MAML3: variants seen among roughly 807,000 people sequenced by gnomAD.
MAML3 encodes the protein mastermind-like protein 3.
MAML3 carries 27 observed loss-of-function variants against 101.9 expected under a neutral mutation model. The ratio of observed to expected loss-of-function variants is 0.27; its 90% CI spans 0.20 to 0.37. The LOEUF is 0.37. MAML3 is among the 10% of genes least tolerant of loss of function. MAML3 has a pLI of 1.00. For missense variants in MAML3, 1,316 were observed against 1,444.9 expected (o/e 0.91, Z 1.45); for synonymous variants, 501 against 555.9 (o/e 0.90, Z 1.39).
intron 1 of MAML3, among the ~76,000 whole-genome samples, chr4:139,925,680 G>A (rs1326891545): frequency 6.6e-6 from 1 of 152,168 alleles, no homozygotes; most frequent in African/African-American, 2.4e-5. Context: ...CTAATTTCAG[G>A]TAGTCACAAT....
In MAML3 at chr4:139,720,179, G is replaced by A. The variant is rs771214491; in HGVS notation, c.2561C>T (p.Ser854Leu). Residue 854 changes from serine to leucine, a missense_variant, in exon 5 of 5, where the codon TCG becomes TTG. Coordinates refer to ENST00000509479, the MANE Select transcript of MAML3 (RefSeq NM_018717.5). ...GCTATAAGGGGCCAGTCCCATCTCC[G>A]ACTGCGCAGCTGCGGTGGCCATCGT... ...PGTMATAAAQ[S>L]EMGLAPYSTT... The A allele has an allele frequency of 5.6e-6, 9 of 1,614,022 alleles. No individual in the cohort carries two copies. Among genetic ancestry groups the A allele is most frequent in the African/African-American group, 2.7e-5 (2 of 75,054 alleles).
intron 2 of MAML3, among the ~76,000 whole-genome samples, chr4:139,741,784 T>C (rs569808100): frequency 6.6e-6 from 1 of 152,346 alleles, no homozygotes; most frequent in African/African-American, 2.4e-5. Flanking sequence ...CGGGCTGCTC[T>C]AAGTCCATTA....
intron 1 of MAML3, among the ~76,000 whole-genome samples, chr4:140,149,013 A>G (rs1202714585): frequency 6.6e-6 from 1 of 152,222 alleles, no homozygotes; most frequent in Non-Finnish European, 1.5e-5. Flanking sequence ...AAAACTGTGC[A>G]CTGTCATGCT....
chr4:139,745,107 A>C (rs1001762499), intron 2 of MAML3, among the ~76,000 whole-genome samples: 1 of 152,094 alleles, frequency 6.6e-6, no homozygotes, highest in Non-Finnish European at 1.5e-5. Context: ...GCCTTGATGG[A>C]AGTGTAGATT....
Position 139,998,270 on chromosome 4 carries a change from A to G in MAML3, c.469-107303T>C, listed in dbSNP as rs543446609. On this transcript the variant is annotated intron_variant, in intron 1 of 4. Coordinates refer to ENST00000509479, the MANE Select transcript of MAML3 (RefSeq NM_018717.5). The stretch of plus-strand genomic sequence containing the variant: ...GATGGTTTCTTCTGTCTTGTTGAAT[A>G]TGCTGTTGGACCACCTAATGATTTT... 2.6e-5 allele frequency among the ~76,000 whole-genome samples: 4 copies of G among 152,302 alleles called. No homozygotes were observed. The East Asian group carries it at 7.7e-4, about 29-fold the overall frequency.
In MAML3 at chr4:139,943,864, C is replaced by CTTTTTTTTTTT. The variant is rs10644498; in HGVS notation, c.469-52908_469-52898dup. Among the ~76,000 whole-genome samples the CTTTTTTTTTTT allele has an allele frequency of 3.6e-4, 24 of 65,864 alleles. 2 individuals are homozygous for CTTTTTTTTTTT. The highest frequency in any genetic ancestry group is 5.9e-4 in the African/African-American group (10 of 17,084). 43.2% of individuals were successfully genotyped at this position (65,864 alleles called of 152,430 possible). On this transcript the variant is annotated intron_variant, in intron 1 of 4. Transcript: ENST00000509479. ...GGTTGGGTTGTGGGCCTAAAGACAA[C>CTTTTTTTTTTT]TTTTTTTTTTTTTTTTTTTTTTTTG... is the stretch of plus-strand genomic sequence containing the variant.
chr4:140,044,749 C>G (rs1433435818), intron 1 of MAML3, among the ~76,000 whole-genome samples: 1 of 152,158 alleles, frequency 6.6e-6, no homozygotes, highest in African/African-American at 2.4e-5. Context: ...GAACTGACGT[C>G]AAACTGTCTC....
chr4:140,147,579 A>G (rs1046393257), intron 1 of MAML3, among the ~76,000 whole-genome samples: 2 of 152,224 alleles, frequency 1.3e-5, no homozygotes, highest in African/African-American at 2.4e-5. Context: ...GCCTTTGAAT[A>G]ATAGAGTGAA....
At chr4:139,874,597 T>A (rs1578641440) in intron 2 of MAML3, among the ~76,000 whole-genome samples, 1 of 152,088 alleles carries the variant, frequency 6.6e-6, no homozygotes, top group Non-Finnish European at 1.5e-5. Flanking sequence ...AATGAATGAA[T>A]GAATGAATGA....
chr4:140,122,020 T>C (rs921801480), intron 1 of MAML3, among the ~76,000 whole-genome samples: 2 of 152,190 alleles, frequency 1.3e-5, no homozygotes, highest in African/African-American at 4.8e-5. Context: ...AGGCTGTGTT[T>C]GCTTCTCCTT....
chr4:140,138,366 TAGC>T lies in MAML3; in HGVS notation c.468+14491_468+14493del, dbSNP rs529928345. Reference sequence around the variant, plus strand: ...AGAAAATGAACGTGAAAAAATCCAATAGCAGCTGCAAACCATTTAAGAATTCCT... The same window carrying T: ...AGAAAATGAACGTGAAAAAATCCAATAGCTGCAAACCATTTAAGAATTCCT... On this transcript the variant is annotated intron_variant, in intron 1 of 4. Transcript: ENST00000509479. Among the ~76,000 whole-genome samples the T allele has an allele frequency of 4.6e-5, 7 of 152,332 alleles. No homozygotes were observed. The South Asian group carries it at 1.4e-3, about 32-fold the overall frequency.
chr4:140,138,808 A>G (rs1728938048), intron 1 of MAML3, among the ~76,000 whole-genome samples: 1 of 152,218 alleles, frequency 6.6e-6, no homozygotes, highest in Admixed American at 6.5e-5. Flanking sequence ...ATTATCACTT[A>G]GGCATCCTGA....
At chr4:139,995,827 T>C (rs762344212) in intron 1 of MAML3, among the ~76,000 whole-genome samples, 2 of 152,014 alleles carry the variant, frequency 1.3e-5, no homozygotes, top group Non-Finnish European at 2.9e-5. Flanking sequence ...TGTTTCCTTC[T>C]GCTTGCTTTG....
At chr4:139,967,479 C>G (rs1025079835) in intron 1 of MAML3, among the ~76,000 whole-genome samples, 1 of 133,760 alleles carries the variant, frequency 7.5e-6, no homozygotes. Context: ...GACACACACA[C>G]ACACACACAC....
chr4:139,886,847 T>C (rs1732347448), intron 2 of MAML3, among the ~76,000 whole-genome samples: 1 of 152,210 alleles, frequency 6.6e-6, no homozygotes, highest in African/African-American at 2.4e-5. Context: ...TTTTTTGAAA[T>C]ATACAGGAAG....
Position 139,719,615 on chromosome 4 carries a change from T to C in MAML3, c.3125A>G (p.Gln1042Arg). 1 of 1,612,840 alleles carries C rather than the reference T, an allele frequency of 6.2e-7. No individual in the cohort carries two copies. The highest frequency in any genetic ancestry group is 8.5e-7 in the Non-Finnish European group (1 of 1,179,452). The change falls in exon 5 of 5, where the codon CAG becomes CGG. Residue 1042 changes from glutamine (Q) to arginine (R), a missense_variant. Physicochemically the swap from Gln to Arg is conservative, Grantham distance 43. Transcript: ENST00000509479. The stretch of plus-strand genomic sequence containing the variant: ...GCCAGACATGACCATTGGCCTCGCC[T>C]GGCTGGTGCCTTGCTGCCCCGGGAG... The part of the protein sequence containing the change: ...PSLPGQQGTS[Q>R]ARPMVMSGLS...
At chr4:139,933,433 G>T (rs1260322008) in intron 1 of MAML3, among the ~76,000 whole-genome samples, 1 of 152,202 alleles carries the variant, frequency 6.6e-6, no homozygotes. Context: ...TAGGAGCAAG[G>T]GGTGGGGACA....
intron 2 of MAML3, among the ~76,000 whole-genome samples, chr4:139,840,972 A>G (rs1731350444): frequency 6.6e-6 from 1 of 152,182 alleles, no homozygotes; most frequent in Non-Finnish European, 1.5e-5. Flanking sequence ...GTTATCAGCA[A>G]CTCATCTGGT....
intron 2 of MAML3, among the ~76,000 whole-genome samples, chr4:139,884,445 T>G (rs1732285375): frequency 6.6e-6 from 1 of 152,242 alleles, no homozygotes; most frequent in African/African-American, 2.4e-5. Flanking sequence ...ACCTATGATG[T>G]ATCTAGTCCT....
Sources: allele counts gnomAD v4.1 joint callset (sites outside exome capture counted in the v4.1 genomes callset), GRCh38; gene constraint gnomAD v4.1.1; transcripts MANE v1.5; gene names NCBI Gene and HGNC (gene_info 2026-07-23, HGNC 2026-07-21).